Variants in LSAMP observed in about 807,000 individuals in gnomAD.
LSAMP encodes the protein limbic system-associated membrane protein.
Under a neutral mutation model 38.6 loss-of-function variants are expected in LSAMP, and 7 were observed. That is an observed-to-expected ratio of 0.18 (90% CI 0.10 to 0.34). LSAMP has a LOEUF of 0.34. Ranked by LOEUF, LSAMP falls within the 10% of genes least tolerant of loss-of-function variation. The probability of loss-of-function intolerance (pLI) is 1.00; values close to 1 mark genes in which losing one functional copy is unlikely to be tolerated. For synonymous variants in LSAMP, 154 were observed against 166.8 expected (o/e 0.92, Z 0.59); for missense variants, 313 against 420.0 (o/e 0.75, Z 2.23).
chr3:116,328,338 C>A (rs1372034230), intron 1 of LSAMP, among the ~76,000 whole-genome samples: 1 of 152,120 alleles, frequency 6.6e-6, no homozygotes, highest in Non-Finnish European at 1.5e-5. Flanking sequence ...AATCGAAATT[C>A]TTTATTGATT....
chr3:115,822,658 C>G (rs113793938), intron 6 of LSAMP, among the ~76,000 whole-genome samples: 2,107 of 152,226 alleles, frequency 0.014, 48 homozygotes, highest in African/African-American at 0.045. Flanking sequence ...CTGCCCCCGG[C>G]CTTCCTATTT....
chr3:115,956,807 A>T (rs974762071), intron 3 of LSAMP, among the ~76,000 whole-genome samples: 1 of 152,184 alleles, frequency 6.6e-6, no homozygotes, highest in Non-Finnish European at 1.5e-5. Flanking sequence ...ATGAGGATTT[A>T]TTGTATATAA....
rs115392706 is a variant in LSAMP, at chr3:115,918,420, C to G, written c.515-65803G>C. On this transcript the variant is annotated intron_variant, in intron 3 of 6. Transcript: ENST00000490035. ...TCCAGATTCAATCATTCAGGCAACACTTTCTGAAATCATGATAACCTCTTA... is the reference window on the plus strand; with the variant it reads ...TCCAGATTCAATCATTCAGGCAACAGTTTCTGAAATCATGATAACCTCTTA... 3.0e-3 allele frequency among the ~76,000 whole-genome samples: 454 copies of G among 152,302 alleles called. 7 individuals are homozygous for G. Among genetic ancestry groups the G allele is most frequent in the African/African-American group, 0.011 (437 of 41,564 alleles).
chr3:115,844,013 GA>G (rs1237337037), intron 4 of LSAMP, among the ~76,000 whole-genome samples: 1 of 152,196 alleles, frequency 6.6e-6, no homozygotes, highest in Non-Finnish European at 1.5e-5. Context: ...CCCTGGATTG[GA>G]AACTAGGAGT....
chr3:116,254,771 C>T (rs898742936), intron 1 of LSAMP, among the ~76,000 whole-genome samples: 2 of 152,134 alleles, frequency 1.3e-5, no homozygotes, highest in Non-Finnish European at 2.9e-5. Flanking sequence ...GACAGTATTT[C>T]CCAGAATCTC....
At chr3:116,258,841 T>C (rs2046789378) in intron 1 of LSAMP, among the ~76,000 whole-genome samples, 1 of 152,106 alleles carries the variant, frequency 6.6e-6, no homozygotes, top group African/African-American at 2.4e-5. Context: ...ATTAAAAAGA[T>C]AGAGGAGAGT....
At position 116,084,839 on chromosome 3, in the gene LSAMP, C is replaced by T. The variant is rs551700229; in HGVS notation, c.388+1485G>A. On this transcript the variant is annotated intron_variant, in intron 2 of 6. Transcript: ENST00000490035. ...ATCAGAAATCAAAGAAGAAAAATCACGAGATAATCTGAATAACTGGTCAGT... is the reference window on the plus strand; with the variant it reads ...ATCAGAAATCAAAGAAGAAAAATCATGAGATAATCTGAATAACTGGTCAGT... 1.2e-4 allele frequency among the ~76,000 whole-genome samples: 18 copies of T among 151,070 alleles called. No individual in the cohort carries two copies. The South Asian group carries it at 3.4e-3, about 29-fold the overall frequency.
intron 1 of LSAMP, among the ~76,000 whole-genome samples, chr3:116,120,468 AAC>A (rs1307542913): frequency 3.3e-5 from 5 of 152,218 alleles, no homozygotes; most frequent in Admixed American, 6.5e-5. Context: ...GAATGTGTGG[AAC>A]ACAGTTTCTC....
intron 1 of LSAMP, among the ~76,000 whole-genome samples, chr3:116,383,459 A>G (rs2048588082): frequency 6.6e-6 from 1 of 152,138 alleles, no homozygotes; most frequent in Admixed American, 6.6e-5. Context: ...TTAAAGCAAT[A>G]AGTACATTAT....
At chr3:116,417,916 C>CA (rs2049073130) in intron 1 of LSAMP, among the ~76,000 whole-genome samples, 1 of 152,154 alleles carries the variant, frequency 6.6e-6, no homozygotes, top group Non-Finnish European at 1.5e-5. Flanking sequence ...AAAAGGCCTG[C>CA]ACCCTTTTAC....
rs559460109 is a variant in LSAMP, at chr3:115,921,864, C to A, written c.515-69247G>T. Among the ~76,000 whole-genome samples the A allele has an allele frequency of 7.9e-5, 12 of 152,182 alleles. No homozygotes were observed. The South Asian group carries it at 2.3e-3, about 29-fold the overall frequency. On this transcript the variant is annotated intron_variant, in intron 3 of 6. Transcript: ENST00000490035. ...AGGATTTTTTTCTGTTAGTACTTCA[C>A]ATAGGTCATCTCACACTCTTCTAGC...
chr3:116,235,791 A>G (rs1303839245), intron 1 of LSAMP, among the ~76,000 whole-genome samples: 3 of 152,194 alleles, frequency 2.0e-5, no homozygotes, highest in African/African-American at 7.2e-5. Context: ...TGTAACTTCT[A>G]TATTCTGTTC....
At chr3:116,368,849 T>G (rs890696817) in intron 1 of LSAMP, among the ~76,000 whole-genome samples, 1 of 152,150 alleles carries the variant, frequency 6.6e-6, no homozygotes, top group East Asian at 1.9e-4. Context: ...TTTTAAACTT[T>G]TAGAAAACAA....
At chr3:116,089,284 C>A (rs545901881) in intron 1 of LSAMP, among the ~76,000 whole-genome samples, 1 of 152,092 alleles carries the variant, frequency 6.6e-6, no homozygotes, top group South Asian at 2.1e-4. Context: ...GGGTTTTATC[C>A]GTATTTATTT....
intron 2 of LSAMP, among the ~76,000 whole-genome samples, chr3:116,020,975 G>A (rs1160204904): frequency 5.3e-5 from 8 of 152,098 alleles, no homozygotes; most frequent in Admixed American, 4.6e-4. Context: ...GCAAGCACCT[G>A]ACAGCCAAAC....
intron 2 of LSAMP, among the ~76,000 whole-genome samples, chr3:116,059,366 T>C (rs1267068356): frequency 1.3e-5 from 2 of 152,236 alleles, no homozygotes; most frequent in Non-Finnish European, 2.9e-5. Flanking sequence ...GGAGAAGATG[T>C]GTTCCTTTAG....
intron 1 of LSAMP, among the ~76,000 whole-genome samples, chr3:116,098,890 G>C (rs1201697042): frequency 6.6e-6 from 1 of 152,188 alleles, no homozygotes; most frequent in East Asian, 1.9e-4. Context: ...GAGCTGATGA[G>C]TTTGAAATGA....
intron 1 of LSAMP, among the ~76,000 whole-genome samples, chr3:116,285,719 G>C (rs572116918): frequency 5.9e-5 from 9 of 152,264 alleles, no homozygotes; most frequent in South Asian, 2.1e-4. Flanking sequence ...CTAGAATCAG[G>C]CTAGGTGCAT....
intron 1 of LSAMP, among the ~76,000 whole-genome samples, chr3:116,430,808 T>C (rs560537879): frequency 2.0e-4 from 31 of 152,172 alleles, no homozygotes; most frequent in African/African-American, 7.2e-4. Context: ...AGAAACTGTG[T>C]TATTTCTACT....
Sources: gnomAD v4.1 joint callset for allele counts (sites outside exome capture counted in the v4.1 genomes callset) on GRCh38, gnomAD v4.1.1 for gene constraint, MANE v1.5 for transcripts, NCBI Gene and HGNC (gene_info 2026-07-23, HGNC 2026-07-21) for gene names.